The following FAM240B variants were observed in gnomAD, a reference collection of about 807,000 sequenced individuals.
FAM240B encodes the protein family with sequence similarity 240 member B, also known as protein FAM240B.
At chr9:38,716,706 C>T (rs544598460) in intron 1 of FAM240B, among the ~76,000 whole-genome samples, 1 of 152,308 alleles carries the variant, frequency 6.6e-6, no homozygotes, top group South Asian at 2.1e-4. Context: ...TCTGCTTCAC[C>T]AAACTGCCAG....
At chr9:38,702,584 C>T (rs575535525) in intron 2 of FAM240B, among the ~76,000 whole-genome samples, 3 of 152,288 alleles carry the variant, frequency 2.0e-5, no homozygotes, top group South Asian at 4.1e-4. Flanking sequence ...AGGCATTTGA[C>T]GTGTGAGGGT....
At chr9:38,700,238 A>G (rs926766907) in intron 2 of FAM240B, among the ~76,000 whole-genome samples, 1 of 152,248 alleles carries the variant, frequency 6.6e-6, no homozygotes, top group Admixed American at 6.5e-5. Flanking sequence ...TAGCGATTTC[A>G]TCTGGCTAGT....
In FAM240B at chr9:38,713,590, C is replaced by T. The variant is rs79098692; in HGVS notation, c.-4+6432G>A. Among the ~76,000 whole-genome samples the T allele has an allele frequency of 7.1e-3, 1,074 of 150,346 alleles. 18 individuals are homozygous for T. Among genetic ancestry groups the T allele is most frequent in the African/African-American group, 0.025 (1,030 of 41,056 alleles). On this transcript the variant is annotated intron_variant, in intron 1 of 2. Transcript: ENST00000637493. ...TGAATCAATGGACAAAACTGGAACA[C>T]GGACAATTACAGGATTGCATCAGTG...
chr9:38,694,312 G>A lies in FAM240B; in HGVS notation c.*464C>T, dbSNP rs1443748085. On this transcript the variant is annotated 3_prime_UTR_variant, in exon 3 of 3. Transcript: ENST00000637493. ...TATTTCTGCAAGCAGTTACATTTCTGTGTTCACAAAAAGCGGGGAAAGAAG... is the reference window on the plus strand; with the variant it reads ...TATTTCTGCAAGCAGTTACATTTCTATGTTCACAAAAAGCGGGGAAAGAAG... 1.3e-5 allele frequency: 2 copies of A among 153,208 alleles called. No homozygotes were observed. Among genetic ancestry groups the A allele is most frequent in the Non-Finnish European group, 2.9e-5 (2 of 68,842 alleles). 9.5% of individuals were successfully genotyped at this position (153,208 alleles called of 1,614,324 possible).
rs201222819 is a variant in FAM240B at position 38,709,101 on chromosome 9, TG to T, written c.-3-5100del. Among the ~76,000 whole-genome samples the T allele has an allele frequency of 6.4e-3, 969 of 152,256 alleles. 8 individuals are homozygous for T. Among genetic ancestry groups the T allele is most frequent in the African/African-American group, 0.022 (908 of 41,544 alleles). On this transcript the variant is annotated intron_variant, in intron 1 of 2. Coordinates refer to ENST00000637493, the MANE Select transcript of FAM240B (RefSeq NM_001394922.1). ...ATGCTGAACATGTTTAAGGAGTGAC[TG>T]TCTTACTAAAATTGACAGTTGCCAC...
At chr9:38,694,939 CTTTG>C (rs1288963775) in intron 2 of FAM240B, 70 bp from the exon 3 acceptor site, 4 of 398,210 alleles carry the variant, frequency 1.0e-5, no homozygotes, top group Non-Finnish European at 1.8e-5. Flanking sequence ...TGAACCGTGG[CTTTG>C]TTTTTCTTCT....
intron 1 of FAM240B, among the ~76,000 whole-genome samples, chr9:38,706,466 G>C (rs1426886162): frequency 6.6e-6 from 1 of 152,216 alleles, no homozygotes; most frequent in Non-Finnish European, 1.5e-5. Context: ...TAGAGCGGTA[G>C]AGCTTCTTGA....
intron 1 of FAM240B, among the ~76,000 whole-genome samples, chr9:38,716,681 A>T (rs545446035): frequency 6.6e-6 from 1 of 152,164 alleles, no homozygotes; most frequent in Non-Finnish European, 1.5e-5. Flanking sequence ...ATTGGCTAAC[A>T]TATTGTTTCT....
Position 38,694,670 on chromosome 9 carries a change from A to G in FAM240B, c.*106T>C, listed in dbSNP as rs941964266. Reference sequence around the variant, plus strand: ...AAATCCCCTAGCAAATGGAAGCACAAATAGAGAGCGTCCTGTTTAGTAAAT... The same window carrying G: ...AAATCCCCTAGCAAATGGAAGCACAGATAGAGAGCGTCCTGTTTAGTAAAT... On this transcript the variant is annotated 3_prime_UTR_variant, in exon 3 of 3. Transcript: ENST00000637493. The G allele has an allele frequency of 2.5e-6, 1 of 397,156 alleles. No individual in the cohort carries two copies. Among genetic ancestry groups the G allele is most frequent in the Non-Finnish European group, 4.4e-6 (1 of 225,482 alleles). 24.6% of individuals were successfully genotyped at this position (397,156 alleles called of 1,614,324 possible).
At chr9:38,713,753 T>C (rs1451084275) in intron 1 of FAM240B, among the ~76,000 whole-genome samples, 2 of 152,222 alleles carry the variant, frequency 1.3e-5, no homozygotes, top group Non-Finnish European at 2.9e-5. Flanking sequence ...AGAAAAGATA[T>C]AGATTGACAA....
At chr9:38,713,605 T>C (rs1026949671) in intron 1 of FAM240B, among the ~76,000 whole-genome samples, 1 of 151,906 alleles carries the variant, frequency 6.6e-6, no homozygotes, top group African/African-American at 2.4e-5. Flanking sequence ...AATTACAGGA[T>C]TGCATCAGTG....
intron 2 of FAM240B, among the ~76,000 whole-genome samples, chr9:38,701,595 C>T (rs567200210): frequency 3.9e-5 from 6 of 152,250 alleles, no homozygotes; most frequent in South Asian, 4.2e-4. Context: ...CAGGGAGCCT[C>T]GCTTCCCCAG....
At chr9:38,701,010 C>T (rs981928420) in intron 2 of FAM240B, among the ~76,000 whole-genome samples, 2 of 152,224 alleles carry the variant, frequency 1.3e-5, no homozygotes, top group Admixed American at 6.5e-5. Flanking sequence ...ATTTGTTCTC[C>T]TGTCAACAAA....
intron 2 of FAM240B, among the ~76,000 whole-genome samples, chr9:38,698,314 G>A (rs540030882): frequency 6.6e-6 from 1 of 152,270 alleles, no homozygotes; most frequent in South Asian, 2.1e-4. Context: ...GTAATCAAAT[G>A]TTTACTTGTT....
At chr9:38,708,222 G>A (rs1043433534) in intron 1 of FAM240B, among the ~76,000 whole-genome samples, 1 of 152,050 alleles carries the variant, frequency 6.6e-6, no homozygotes, top group Non-Finnish European at 1.5e-5. Flanking sequence ...AGCTTTTCTC[G>A]AAACCTCCTC....
chr9:38,706,880 T>C (rs1821197534), intron 1 of FAM240B, among the ~76,000 whole-genome samples: 1 of 152,246 alleles, frequency 6.6e-6, no homozygotes, highest in Non-Finnish European at 1.5e-5. Flanking sequence ...CATCTGATTT[T>C]ACATTTTCAT....
chr9:38,718,735 A>G (rs1564002837), intron 1 of FAM240B, among the ~76,000 whole-genome samples: 1 of 138,594 alleles, frequency 7.2e-6, no homozygotes, highest in South Asian at 2.3e-4. Context: ...GGACATATAC[A>G]TAGTTTGAGA....
intron 1 of FAM240B, among the ~76,000 whole-genome samples, chr9:38,718,306 G>T (rs1344080440): frequency 2.0e-5 from 3 of 152,210 alleles, no homozygotes; most frequent in Non-Finnish European, 4.4e-5. Flanking sequence ...GCAGGTCAAA[G>T]TCCAGGTACC....
intron 1 of FAM240B, among the ~76,000 whole-genome samples, chr9:38,719,212 C>T (rs185317058): frequency 7.2e-5 from 11 of 152,032 alleles, no homozygotes; most frequent in Admixed American, 4.6e-4. Context: ...GACTGTTCTT[C>T]GATAAATAAG....
Sources: gnomAD v4.1 joint callset for allele counts (sites outside exome capture counted in the v4.1 genomes callset) on GRCh38, gnomAD v4.1.1 for gene constraint, MANE v1.5 for transcripts, NCBI Gene and HGNC (gene_info 2026-07-23, HGNC 2026-07-21) for gene names.